TACC2: variants seen among roughly 807,000 people sequenced by gnomAD.
The protein encoded by TACC2 is transforming acidic coiled-coil containing protein 2.
In TACC2, 137 loss-of-function variants were observed where a neutral mutation model predicts 227.3. The ratio of observed to expected loss-of-function variants is 0.60; its 90% confidence interval spans 0.52 to 0.69. The LOEUF is 0.69. Among genes scored for constraint, TACC2 ranks in the 30% least tolerant of loss-of-function variants. The pLI, the probability that TACC2 is intolerant of heterozygous loss-of-function variation, is 0.00. For missense variants in TACC2, 3,470 were observed against 3,694.4 expected, an observed-to-expected ratio of 0.94 and a Z score of 1.57; for synonymous variants, 1,523 against 1,487.5, an observed-to-expected ratio of 1.02 and a Z score of -0.55.
At chr10:122,213,124 C>G (rs1355734237) in intron 9 of TACC2, among the ~76,000 whole-genome samples, 1 of 152,162 alleles carries the variant, frequency 6.6e-6, no homozygotes, top group Non-Finnish European at 1.5e-5. Context: ...GAAGACCCTG[C>G]GTGGGTCTGA....
intron 7 of TACC2, among the ~76,000 whole-genome samples, chr10:122,190,141 G>T (rs2094356010): frequency 6.6e-6 from 1 of 152,198 alleles, no homozygotes; most frequent in African/African-American, 2.4e-5. Flanking sequence ...GTGTATATAT[G>T]TGTGTATGTG....
At chr10:122,089,209 C>A (rs2080439283) in intron 5 of TACC2, among the ~76,000 whole-genome samples, 1 of 152,156 alleles carries the variant, frequency 6.6e-6, no homozygotes, top group African/African-American at 2.4e-5. Context: ...CAGTGTGTAA[C>A]CATGGCTACA....
intron 2 of TACC2, among the ~76,000 whole-genome samples, chr10:122,044,881 C>T (rs2074792446): frequency 6.6e-6 from 1 of 151,988 alleles, no homozygotes; most frequent in Non-Finnish European, 1.5e-5. Context: ...CTGGGCGAGT[C>T]CACGTGTCCT....
Position 122,086,418 on chromosome 10 carries a change from A to G in TACC2, c.3918A>G (p.Ala1306=), listed in dbSNP as rs777284379. Reference sequence around the variant, plus strand: ...GAGCTGCAGGTGGGGAAATCCCTGCAGTGCAAGCCAGCAGTGGTAGTCCCA... The same window carrying G: ...GAGCTGCAGGTGGGGAAATCCCTGCGGTGCAAGCCAGCAGTGGTAGTCCCA... ...QPGAAGGEIP[A]VQASSGSPKA... Residue 1306 remains alanine, a synonymous_variant, in exon 4 of 23, where the codon GCA becomes GCG. Transcript: ENST00000369005. 1.7e-5 allele frequency: 28 copies of G among 1,613,604 alleles called. No individual in the cohort carries two copies. In the East Asian group the frequency reaches 5.1e-4, roughly 30 times the overall value.
chr10:122,006,319 C>G (rs1475291307), intron 1 of TACC2, among the ~76,000 whole-genome samples: 1 of 151,990 alleles, frequency 6.6e-6, no homozygotes, highest in Admixed American at 6.6e-5. Flanking sequence ...CATGGTGGCT[C>G]ACGCCTGTAG....
intron 1 of TACC2, among the ~76,000 whole-genome samples, chr10:121,995,809 A>G (rs773136714): frequency 7.2e-5 from 11 of 152,050 alleles, no homozygotes; most frequent in African/African-American, 2.7e-4. Context: ...GCTGGAGTGC[A>G]GTGGCGCAAT....
chr10:122,048,747 A>G (rs969567123), intron 2 of TACC2, among the ~76,000 whole-genome samples: 13 of 152,076 alleles, frequency 8.5e-5, no homozygotes, highest in Admixed American at 7.2e-4. Flanking sequence ...GATTTTCACA[A>G]AGGTGCCCAT....
intron 11 of TACC2, among the ~76,000 whole-genome samples, chr10:122,221,113 G>C (rs1589690683): frequency 6.6e-6 from 1 of 152,248 alleles, no homozygotes; most frequent in South Asian, 2.1e-4. Flanking sequence ...AACTAGGTTA[G>C]AAAGATGCCC....
chr10:122,037,090 C>T (rs1217157685), intron 2 of TACC2, among the ~76,000 whole-genome samples: 1 of 152,148 alleles, frequency 6.6e-6, no homozygotes, highest in African/African-American at 2.4e-5. Context: ...GAGACAGCCA[C>T]ATAAGGTTCT....
rs2095288875 is a variant in TACC2 at position 122,211,360 on chromosome 10, A to G, written c.6935A>G (p.Asp2312Gly). The change falls in exon 9 of 23, where the codon GAC becomes GGC. Residue 2312 changes from aspartate to glycine, a missense_variant. Asp to Gly is a moderately conservative substitution (Grantham distance 94, BLOSUM62 -1). Around this residue, in one of 10 missense-constraint regions of TACC2, gnomAD observed 593 missense variants for 636.6 expected, o/e 0.93. Transcript: ENST00000369005. Reference protein sequence around the residue: ...PKMKKTPEKLDNTPASPPRSP... With the variant: ...PKMKKTPEKLGNTPASPPRSP... The stretch of plus-strand genomic sequence containing the variant: ...ATGAAAAAGACACCCGAGAAACTTG[A>G]CAACACTCCTGCCTCACCTCCCAGA... 2 of 1,613,882 alleles carry G rather than the reference A, an allele frequency of 1.2e-6. No individual in the cohort carries two copies. The highest frequency in any genetic ancestry group is 1.7e-6 in the Non-Finnish European group (2 of 1,179,964).
Position 122,086,223 on chromosome 10 carries a change from C to T in TACC2, c.3723C>T (p.Asp1241=), listed in dbSNP as rs570203372. The T allele has an allele frequency of 3.0e-5, 48 of 1,613,786 alleles. No homozygotes were observed. Among genetic ancestry groups the T allele is most frequent in the Non-Finnish European group, 3.8e-5 (45 of 1,180,052 alleles). Residue 1241 remains aspartate, a synonymous_variant, in exon 4 of 23, where the codon GAC becomes GAT. Coordinates refer to ENST00000369005, the MANE Select transcript of TACC2 (RefSeq NM_206862.4). The part of the protein sequence containing the change: ...AAPDTPYLHV[D]SAAQRGAEDS... Reference sequence around the variant, plus strand: ...CTGACACCCCTTACCTGCATGTCGACAGTGCTGCCCAGAGAGGAGCAGAAG... The same window carrying T: ...CTGACACCCCTTACCTGCATGTCGATAGTGCTGCCCAGAGAGGAGCAGAAG...
At chr10:122,228,066 T>C in intron 14 of TACC2, 58 bp downstream of exon 14, 1 of 1,549,744 alleles carries the variant, frequency 6.5e-7, no homozygotes, top group Non-Finnish European at 8.8e-7. Flanking sequence ...CAGCTGCGTA[T>C]TGTCACCAAG....
At chr10:122,164,367 G>C (rs192704956) in intron 7 of TACC2, among the ~76,000 whole-genome samples, 4 of 141,568 alleles carry the variant, frequency 2.8e-5, no homozygotes, top group African/African-American at 4.9e-5. Context: ...TGGCAGCTCC[G>C]TGCCCGGGGC....
chr10:122,179,275 A>G (rs1355144676), intron 7 of TACC2, among the ~76,000 whole-genome samples: 3 of 152,182 alleles, frequency 2.0e-5, no homozygotes, highest in Admixed American at 2.0e-4. Context: ...TAGAGCTCTG[A>G]TATGTAATTG....
At chr10:122,140,195 T>A (rs528908006) in intron 6 of TACC2, among the ~76,000 whole-genome samples, 91 of 152,278 alleles carry the variant, frequency 6.0e-4, no homozygotes, top group African/African-American at 2.1e-3. Context: ...TCGTCTCTGA[T>A]CCATTGGTAA....
intron 1 of TACC2, among the ~76,000 whole-genome samples, chr10:122,016,986 C>T (rs1269195747): frequency 6.6e-6 from 1 of 152,198 alleles, no homozygotes; most frequent in Non-Finnish European, 1.5e-5. Context: ...GGGGAGAAGA[C>T]TGCCATCCAC....
At chr10:122,167,514 T>A (rs1017972006) in intron 7 of TACC2, among the ~76,000 whole-genome samples, 2 of 152,220 alleles carry the variant, frequency 1.3e-5, no homozygotes, top group African/African-American at 4.8e-5. Flanking sequence ...GGATCAGATG[T>A]AGCTGGAGAG....
In TACC2 at chr10:122,084,489, G is replaced by A. The variant is rs756674929; in HGVS notation, c.1989G>A (p.Leu663=). ...ATGCATCTGGCCTACCACACAAGCT[G>A]GGTGAGGAGGACCCCGTCCTGCCCC... is the stretch of plus-strand genomic sequence containing the variant. ...EADASGLPHK[L]GEEDPVLPPV... The change falls in exon 4 of 23, where the codon CTG becomes CTA. Residue 663 remains leucine, a synonymous_variant. Transcript: ENST00000369005. The A allele has an allele frequency of 1.9e-5, 30 of 1,613,204 alleles. No individual in the cohort carries two copies. The highest frequency in any genetic ancestry group is 2.5e-5 in the Non-Finnish European group (29 of 1,180,022).
At chr10:122,071,719 C>CAAAAAAAAAAAA (rs145636754) in intron 3 of TACC2, among the ~76,000 whole-genome samples, 2 of 108,592 alleles carry the variant, frequency 1.8e-5, no homozygotes, top group East Asian at 2.9e-4. Context: ...ACTAAAAATA[C>CAAAAAAAAAAAA]AAAAAAAAAA....
Sources: gnomAD v4.1 joint callset for allele counts (sites outside exome capture counted in the v4.1 genomes callset) on GRCh38, gnomAD v4.1.1 for gene constraint, gnomAD v4.1.1 regional missense constraint, MANE v1.5 for transcripts, NCBI Gene and HGNC (gene_info 2026-07-23, HGNC 2026-07-21) for gene names.